Variants in VPS37A observed in about 807,000 individuals in gnomAD.
VPS37A encodes the protein VPS37A subunit of ESCRT-I.
VPS37A carries 30 observed loss-of-function variants against 49.8 expected under a neutral mutation model. The observed-to-expected ratio is 0.60, with a 90% CI of 0.45 to 0.82. The LOEUF (loss-of-function observed/expected upper bound fraction) is 0.82. VPS37A is among the 40% of genes least tolerant of loss of function. VPS37A has a pLI of 0.00. For missense variants in VPS37A, 593 were observed against 464.4 expected, an observed-to-expected ratio of 1.28 and a Z score of -2.55; for synonymous variants, 195 against 160.6, an observed-to-expected ratio of 1.21 and a Z score of -1.62.
the VPS37A span, among the ~76,000 whole-genome samples, chr8:17,318,484 G>A: frequency 2.0e-5 from 3 of 152,156 alleles, no homozygotes; most frequent in Admixed American, 6.5e-5. Flanking sequence ...TAGGTTACTG[G>A]AACTGCAGCA....
At chr8:17,281,042 TAAAAC>T (rs1187732770) in intron 9 of VPS37A, among the ~76,000 whole-genome samples, 4 of 151,610 alleles carry the variant, frequency 2.6e-5, no homozygotes, top group African/African-American at 4.8e-5. Context: ...GTCAATGAAA[TAAAAC>T]ATAAAATAGA....
At chr8:17,259,758 G>C (rs1333380136) in intron 1 of VPS37A, among the ~76,000 whole-genome samples, 2 of 151,962 alleles carry the variant, frequency 1.3e-5, no homozygotes, top group Admixed American at 6.6e-5. Context: ...CTCTGGTTTT[G>C]GGTGCATAGA....
At chr8:17,249,505 T>C (rs1811774105) in intron 1 of VPS37A, among the ~76,000 whole-genome samples, 1 of 152,236 alleles carries the variant, frequency 6.6e-6, no homozygotes, top group African/African-American at 2.4e-5. Context: ...TTTATTGAGA[T>C]GTTTCGCATT....
At chr8:17,250,479 T>A (rs1811870920) in intron 1 of VPS37A, among the ~76,000 whole-genome samples, 1 of 152,214 alleles carries the variant, frequency 6.6e-6, no homozygotes, top group African/African-American at 2.4e-5. Flanking sequence ...AATATCAATA[T>A]CTTGTTACAT....
At chr8:17,247,508 T>C (rs1811385740) in intron 1 of VPS37A, 139 bp downstream of exon 1, 3 of 1,198,430 alleles carry the variant, frequency 2.5e-6, no homozygotes, top group Admixed American at 2.2e-5. Flanking sequence ...GGTCACACGC[T>C]TGCTCTGCCA....
At chr8:17,280,498 G>A (rs149520550) in intron 9 of VPS37A, 55 bp downstream of exon 9, 1 of 1,471,716 alleles carries the variant, frequency 6.8e-7, no homozygotes, top group African/African-American at 1.4e-5. Context: ...AATCTTATGT[G>A]CATGAGTCCT....
chr8:17,331,204 T>A, the VPS37A span: 1 of 1,612,912 alleles, frequency 6.2e-7, no homozygotes, highest in South Asian at 1.1e-5. Context: ...TCTATCCCGA[T>A]AAACTGAAAC....
At chr8:17,276,283 T>C (rs1430374371) in intron 5 of VPS37A, 114 bp from the exon 6 acceptor site, 3 of 764,346 alleles carry the variant, frequency 3.9e-6, no homozygotes, top group South Asian at 4.2e-5. Context: ...AAGATGAAAA[T>C]ATGATAATGC....
chr8:17,320,406 T>G, the VPS37A span, among the ~76,000 whole-genome samples: 21 of 151,216 alleles, frequency 1.4e-4, no homozygotes, highest in South Asian at 1.0e-3. Context: ...AAAGGGTATG[T>G]TTTTTTTTGT....
chr8:17,260,181 G>A (rs1812844111), intron 1 of VPS37A, among the ~76,000 whole-genome samples: 1 of 151,934 alleles, frequency 6.6e-6, no homozygotes, highest in Non-Finnish European at 1.5e-5. Flanking sequence ...TTCTTTGGTA[G>A]TATGTTTTAA....
chr8:17,303,123 TACTTTGAGGGCAAGG>T (rs1251778726), downstream of VPS37A, among the ~76,000 whole-genome samples: 1 of 152,202 alleles, frequency 6.6e-6, no homozygotes, highest in African/African-American at 2.4e-5. Context: ...GATAAGTAAG[TACTTTGAGGGCAAGG>T]ACTTGGTGTC....
At chr8:17,280,496 G>A (rs1249615625) in intron 9 of VPS37A, 53 bp downstream of exon 9, 3 of 1,484,514 alleles carry the variant, frequency 2.0e-6, no homozygotes, top group Non-Finnish European at 1.8e-6. Flanking sequence ...TTAATCTTAT[G>A]TGCATGAGTC....
At chr8:17,320,137 T>C in the VPS37A span, among the ~76,000 whole-genome samples, 1 of 151,834 alleles carries the variant, frequency 6.6e-6, no homozygotes, top group Non-Finnish European at 1.5e-5. Context: ...AATATAAATA[T>C]ATATATTTAC....
At chr8:17,265,839 T>G in intron 1 of VPS37A, 68 bp from the exon 2 acceptor site, 1 of 1,610,334 alleles carries the variant, frequency 6.2e-7, no homozygotes, top group South Asian at 1.1e-5. Flanking sequence ...ATTCTAGCAC[T>G]TAACATTGGT....
intron 4 of VPS37A, among the ~76,000 whole-genome samples, chr8:17,274,500 A>G (rs534010106): frequency 3.3e-5 from 5 of 150,954 alleles, no homozygotes; most frequent in Admixed American, 6.6e-5. Flanking sequence ...AGCACCCATC[A>G]TCTTCTTTGT....
intron 1 of VPS37A, among the ~76,000 whole-genome samples, chr8:17,265,084 G>A (rs1446075198): frequency 6.6e-6 from 1 of 152,118 alleles, no homozygotes; most frequent in Non-Finnish European, 1.5e-5. Context: ...CAGTTGCATA[G>A]TCATCAAGGA....
At chr8:17,265,244 T>C (rs982494298) in intron 1 of VPS37A, among the ~76,000 whole-genome samples, 1 of 152,204 alleles carries the variant, frequency 6.6e-6, no homozygotes, top group African/African-American at 2.4e-5. Flanking sequence ...AATGGGCTCA[T>C]ATCAGTTGTC....
chr8:17,311,326 T>C, the VPS37A span, among the ~76,000 whole-genome samples: 14 of 152,354 alleles, frequency 9.2e-5, no homozygotes, highest in African/African-American at 3.4e-4. Context: ...CATCTCTTTA[T>C]TCCAAGCCTT....
chr8:17,310,068 A>G, the VPS37A span, among the ~76,000 whole-genome samples: 1 of 152,132 alleles, frequency 6.6e-6, no homozygotes, highest in East Asian at 1.9e-4. Context: ...TGATGAGATC[A>G]TGGCTCACTA....
Sources: gnomAD v4.1 joint callset for allele counts (sites outside exome capture counted in the v4.1 genomes callset) on GRCh38, gnomAD v4.1.1 for gene constraint, MANE v1.5 for transcripts, NCBI Gene and HGNC (gene_info 2026-07-23, HGNC 2026-07-21) for gene names.